The following CPED1 variants were observed in gnomAD, a reference collection of about 807,000 sequenced individuals.
CPED1 encodes the protein cadherin like and PC-esterase domain containing 1.
CPED1 carries 114 observed loss-of-function variants against 128.2 expected under a neutral mutation model. The ratio of observed to expected loss-of-function variants is 0.89; its 90% CI spans 0.76 to 1.04. The LOEUF (loss-of-function observed/expected upper bound fraction) is 1.04, where lower values mean the gene tolerates loss of function less well. CPED1 is among the 50% of genes least tolerant of loss of function. The pLI, the probability that CPED1 is intolerant of heterozygous loss-of-function variation, is 0.00. For missense variants in CPED1, 1,211 were observed against 1,207.1 expected, an observed-to-expected ratio of 1.00 and a Z score of -0.05; for synonymous variants, 462 against 426.7, an observed-to-expected ratio of 1.08 and a Z score of -1.02.
chr7:121,140,911 A>G lies in CPED1; in HGVS notation c.1784A>G (p.Asp595Gly). 1 of 1,612,414 alleles carries G rather than the reference A, an allele frequency of 6.2e-7. No individual in the cohort carries two copies. The highest frequency in any genetic ancestry group is 8.5e-7 in the Non-Finnish European group (1 of 1,178,944). ...CCTGACTTTCATCCAAAGATCAAAG[A>G]TTATTACTGTGAAGTCCCATTTGAT... is the stretch of plus-strand genomic sequence containing the variant. ...LNPDFHPKIK[D>G]YYCEVPFDVV... Residue 595 changes from aspartate to glycine, a missense_variant, in exon 15 of 23, where the codon GAT becomes GGT. Transcript: ENST00000310396.
Position 121,097,750 on chromosome 7 carries a change from T to G in CPED1, c.668T>G (p.Leu223Ter). The G allele has an allele frequency of 6.2e-7, 1 of 1,613,868 alleles. No individual in the cohort carries two copies. The highest frequency in any genetic ancestry group is 8.5e-7 in the Non-Finnish European group (1 of 1,179,800). ...GTGTGTCTGGATCAGGGAATGCAATTAAAGCCGAGTACTTCGAGTCACCTT... is the reference window on the plus strand; with the variant it reads ...GTGTGTCTGGATCAGGGAATGCAATGAAAGCCGAGTACTTCGAGTCACCTT... ...PSVCLDQGMQ[L>*]KPSTSSHLLK... The change falls in exon 6 of 23, where the codon TTA (leucine) becomes TGA (stop). Residue 223 changes from leucine to a stop codon, truncating the protein, a stop_gained. Coordinates refer to ENST00000310396, the MANE Select transcript of CPED1 (RefSeq NM_024913.5). LOFTEE classifies it high-confidence loss of function.
chr7:121,150,589 T>C (rs915577105), intron 16 of CPED1, among the ~76,000 whole-genome samples: 4 of 152,062 alleles, frequency 2.6e-5, no homozygotes, highest in African/African-American at 7.2e-5. Flanking sequence ...GTTGGGTCAA[T>C]TGGTAATTTT....
chr7:121,192,610 C>T (rs1797169149), intron 16 of CPED1, among the ~76,000 whole-genome samples: 1 of 147,686 alleles, frequency 6.8e-6, no homozygotes, highest in Non-Finnish European at 1.5e-5. Context: ...ATGTTTGGCA[C>T]ATTATGTTCA....
intron 2 of CPED1, among the ~76,000 whole-genome samples, chr7:121,014,878 T>C (rs1262869820): frequency 6.6e-6 from 1 of 152,198 alleles, no homozygotes; most frequent in Non-Finnish European, 1.5e-5. Flanking sequence ...ATCTGTACTT[T>C]ACTGAGGTTT....
intron 7 of CPED1, among the ~76,000 whole-genome samples, chr7:121,114,187 G>T (rs1451278287): frequency 6.6e-6 from 1 of 152,166 alleles, no homozygotes; most frequent in East Asian, 1.9e-4. Context: ...CCACTCTATG[G>T]ATGAGGAAGT....
intron 4 of CPED1, among the ~76,000 whole-genome samples, chr7:121,048,741 G>A (rs1793277170): frequency 6.6e-6 from 1 of 152,120 alleles, no homozygotes; most frequent in South Asian, 2.1e-4. Context: ...GTTTTGCTGT[G>A]TTGACCAGGC....
At chr7:121,010,368 A>G (rs1269851824) in intron 2 of CPED1, among the ~76,000 whole-genome samples, 2 of 152,214 alleles carry the variant, frequency 1.3e-5, no homozygotes, top group Non-Finnish European at 2.9e-5. Flanking sequence ...CTCCTGCCTC[A>G]GCCTCCAGAG....
At chr7:121,168,601 C>T (rs1369952615) in intron 16 of CPED1, among the ~76,000 whole-genome samples, 2 of 152,128 alleles carry the variant, frequency 1.3e-5, no homozygotes, top group African/African-American at 2.4e-5. Flanking sequence ...AATCCAATTA[C>T]GCTCTTTAAG....
intron 2 of CPED1, among the ~76,000 whole-genome samples, chr7:120,993,091 T>A (rs926474820): frequency 1.3e-5 from 2 of 152,236 alleles, no homozygotes; most frequent in African/African-American, 4.8e-5. Context: ...TCTCTCAACA[T>A]CAGTAGTCTG....
chr7:121,013,008 C>T (rs575087828), intron 2 of CPED1, among the ~76,000 whole-genome samples: 1 of 152,220 alleles, frequency 6.6e-6, no homozygotes, highest in East Asian at 1.9e-4. Context: ...TGTACTTGAG[C>T]CAGCTGTAAT....
chr7:121,222,612 G>T (rs1035100774), intron 16 of CPED1, among the ~76,000 whole-genome samples: 1 of 152,104 alleles, frequency 6.6e-6, no homozygotes, highest in East Asian at 1.9e-4. Context: ...CCGTTTGTTT[G>T]TGTCCTCTTT....
chr7:121,014,191 G>C lies in CPED1; in HGVS notation c.250-1474G>C, dbSNP rs1039765766. 3.3e-5 allele frequency among the ~76,000 whole-genome samples: 5 copies of C among 152,198 alleles called. No homozygotes were observed. The South Asian group carries it at 6.2e-4, about 19-fold the overall frequency. ...GGGTCAGGGATAAAGATGATTAAGAGTGTGATGTGATCTGACCAGAGAAGG... is the reference window on the plus strand; with the variant it reads ...GGGTCAGGGATAAAGATGATTAAGACTGTGATGTGATCTGACCAGAGAAGG... On this transcript the variant is annotated intron_variant, in intron 2 of 22. Transcript: ENST00000310396.
chr7:121,276,677 C>T (rs891496265), intron 22 of CPED1, among the ~76,000 whole-genome samples: 1 of 152,018 alleles, frequency 6.6e-6, no homozygotes, highest in Non-Finnish European at 1.5e-5. Flanking sequence ...GAAGGATGAA[C>T]AGGACTTAAT....
chr7:121,178,701 T>C (rs980904864), intron 16 of CPED1, among the ~76,000 whole-genome samples: 2 of 152,028 alleles, frequency 1.3e-5, no homozygotes, highest in Non-Finnish European at 2.9e-5. Flanking sequence ...CTTAGATGAC[T>C]GAGGGTGAAT....
chr7:121,135,904 G>A (rs905760863), intron 13 of CPED1, 136 bp from the exon 14 acceptor site: 20 of 541,970 alleles, frequency 3.7e-5, no homozygotes, highest in South Asian at 1.3e-4. Flanking sequence ...TTTACAGTTT[G>A]ACTTAGAAGT....
At chr7:121,136,629 G>C (rs1330943339) in intron 14 of CPED1, among the ~76,000 whole-genome samples, 1 of 151,930 alleles carries the variant, frequency 6.6e-6, no homozygotes, top group African/African-American at 2.4e-5. Context: ...TTATTATTAC[G>C]ATGGTCTTGC....
intron 16 of CPED1, among the ~76,000 whole-genome samples, chr7:121,205,700 G>A (rs1026816007): frequency 6.6e-6 from 1 of 151,840 alleles, no homozygotes; most frequent in Non-Finnish European, 1.5e-5. Flanking sequence ...TCAGCTCTAG[G>A]ATTACAAGGT....
At chr7:121,165,650 C>T (rs2116448335) in intron 16 of CPED1, among the ~76,000 whole-genome samples, 1 of 152,170 alleles carries the variant, frequency 6.6e-6, no homozygotes, top group East Asian at 1.9e-4. Context: ...CATCAGAGTT[C>T]ACAATATGTC....
chr7:121,193,168 G>A (rs940635775), intron 16 of CPED1, among the ~76,000 whole-genome samples: 18 of 152,128 alleles, frequency 1.2e-4, no homozygotes, highest in African/African-American at 3.1e-4. Context: ...AAAAACCTCC[G>A]CTGACTCAGT....
Sources: allele counts gnomAD v4.1 joint callset (sites outside exome capture counted in the v4.1 genomes callset), GRCh38; gene constraint gnomAD v4.1.1; transcripts MANE v1.5; gene names NCBI Gene and HGNC (gene_info 2026-07-23, HGNC 2026-07-21).